PTPRB: variants seen among roughly 807,000 people sequenced by gnomAD.
PTPRB encodes receptor-type tyrosine-protein phosphatase beta.
A neutral mutation model predicts 238.1 loss-of-function variants in PTPRB; 97 were observed. That is an observed-to-expected ratio of 0.41 (90% CI 0.35 to 0.48). The LOEUF (loss-of-function observed/expected upper bound fraction) is 0.48. Ranked by LOEUF, PTPRB falls within the 20% of genes least tolerant of loss-of-function variation. The pLI is 0.30. For synonymous variants in PTPRB, 970 were observed against 995.4 expected, an observed-to-expected ratio of 0.97 and a Z score of 0.48; for missense variants, 2,292 against 2,681.9, an observed-to-expected ratio of 0.85 and a Z score of 3.21.
At chr12:70,601,174 G>C (rs757150981) in intron 4 of PTPRB, among the ~76,000 whole-genome samples, 2 of 151,734 alleles carry the variant, frequency 1.3e-5, no homozygotes, top group Non-Finnish European at 2.9e-5. Flanking sequence ...CCTAATTTTT[G>C]TATTATTTTG....
chr12:70,558,075 C>A (rs907314324), intron 18 of PTPRB, among the ~76,000 whole-genome samples: 3 of 152,146 alleles, frequency 2.0e-5, no homozygotes, highest in South Asian at 4.1e-4. Context: ...TGTCTCCTCT[C>A]TATGTAAGTA....
At chr12:70,546,997 G>A (rs1876068110) in intron 21 of PTPRB, among the ~76,000 whole-genome samples, 1 of 151,260 alleles carries the variant, frequency 6.6e-6, no homozygotes, top group Non-Finnish European at 1.5e-5. Flanking sequence ...TGAAAGTGAC[G>A]AGAAGTACTC....
rs761019588 is a variant in PTPRB at position 70,540,015 on chromosome 12, G to A, written c.5602C>T (p.Arg1868Ter). The change falls in exon 24 of 34, where the codon CGA (arginine) becomes TGA (stop). Residue 1868 changes from arginine to a stop codon, truncating the protein, a stop_gained. Coordinates refer to ENST00000334414, the MANE Select transcript of PTPRB (RefSeq NM_001109754.4). LOFTEE classifies it high-confidence loss of function. ...CTCAGACGGGCAGAGGGTCTTTCTC[G>A]ACCATGGCTGAAACATAAGGGAGAT... ...LICRQKVSHG[R>*]ERPSARLSIR... 1.2e-6 allele frequency: 2 copies of A among 1,605,262 alleles called. No individual in the cohort carries two copies. Among genetic ancestry groups the A allele is most frequent in the Non-Finnish European group, 1.7e-6 (2 of 1,172,254 alleles).
chr12:70,586,543 C>T (rs1881932417), intron 9 of PTPRB, among the ~76,000 whole-genome samples: 1 of 152,142 alleles, frequency 6.6e-6, no homozygotes, highest in Non-Finnish European at 1.5e-5. Context: ...TTCACTTGTG[C>T]TCTAGATCCC....
intron 7 of PTPRB, among the ~76,000 whole-genome samples, 193 bp from the exon 8 acceptor site, chr12:70,590,426 G>C (rs192541951): frequency 1.3e-5 from 2 of 152,152 alleles, no homozygotes; most frequent in South Asian, 4.2e-4. Flanking sequence ...AGAAATGTCC[G>C]CTAAAATCAT....
At position 70,540,963 on chromosome 12, in the gene PTPRB, A is replaced by G. The variant is rs779100107; in HGVS notation, c.5495-6T>C. ...AATAGCTCCAAACAAGGGCTCTACA[A>G]TAATCCAGATAGAAACAACAAACGC... On this transcript the variant is annotated splice_polypyrimidine_tract_variant and splice_region_variant and intron_variant, in intron 22 of 33. Transcript: ENST00000334414. 6.3e-7 allele frequency: 1 copy of G among 1,593,302 alleles called. No homozygotes were observed. Among genetic ancestry groups the G allele is most frequent in the Non-Finnish European group, 8.6e-7 (1 of 1,169,386 alleles).
chr12:70,615,128 C>G (rs935006547), intron 3 of PTPRB, among the ~76,000 whole-genome samples: 7 of 152,164 alleles, frequency 4.6e-5, no homozygotes, highest in Non-Finnish European at 1.0e-4. Flanking sequence ...AGTAATAATA[C>G]TATTCTATGA....
chr12:70,568,307 T>C, intron 14 of PTPRB, among the ~76,000 whole-genome samples: 1 of 151,846 alleles, frequency 6.6e-6, no homozygotes, highest in South Asian at 2.1e-4. Flanking sequence ...ATGCCCACTT[T>C]CTTTTTTTGG....
At position 70,559,385 on chromosome 12, in the gene PTPRB, A is replaced by T. The variant is rs760621371; in HGVS notation, c.4672T>A (p.Trp1558Arg). The change falls in exon 18 of 34, where the codon TGG becomes AGG. Residue 1558 changes from tryptophan (W) to arginine (R), a missense_variant. Trp to Arg is a moderately radical substitution (Grantham distance 101). This residue lies in a region of PTPRB where 683 missense variants were observed against 862.0 expected (regional missense o/e 0.79). Transcript: ENST00000334414. ...FNVKTVSGDS[W>R]KTYSKPIFGS... ...AAAATTGGTTTGCTGTAAGTTTTCCAGGAATCACCACTGACAGTCTTGACG... is the reference window on the plus strand; with the variant it reads ...AAAATTGGTTTGCTGTAAGTTTTCCTGGAATCACCACTGACAGTCTTGACG... 1.2e-5 allele frequency: 20 copies of T among 1,613,922 alleles called. No homozygotes were observed. The highest frequency in any genetic ancestry group is 1.6e-5 in the Non-Finnish European group (19 of 1,179,788).
At position 70,555,147 on chromosome 12, in the gene PTPRB, CATG is replaced by C; in HGVS notation, c.5143+10_5143+12del. On this transcript the variant is annotated intron_variant, in intron 20 of 33. Coordinates refer to ENST00000334414, the MANE Select transcript of PTPRB (RefSeq NM_001109754.4). ...TCTGTGTCTCAGAGTGGAGTTAACTCATGATAACTTACCATCAGCCTCTCTCAC... is the reference window on the plus strand; with the variant it reads ...TCTGTGTCTCAGAGTGGAGTTAACTCATAACTTACCATCAGCCTCTCTCAC... 6.2e-7 allele frequency: 1 copy of C among 1,612,344 alleles called. No individual in the cohort carries two copies. Among genetic ancestry groups the C allele is most frequent in the African/African-American group, 1.3e-5 (1 of 75,002 alleles).
Position 70,596,346 on chromosome 12 carries a change from C to T in PTPRB, c.980-19G>A, listed in dbSNP as rs1304122547. 7 of 1,249,026 alleles carry T rather than the reference C, an allele frequency of 5.6e-6. No homozygotes were observed. The highest frequency in any genetic ancestry group is 7.0e-6 in the Non-Finnish European group (7 of 995,816). The allele number at this position is 1,249,026 out of a possible 1,614,324, so 77.4% of individuals were successfully genotyped here. ...AAAGGATCTGCAAGGCAAATACACA[C>T]ACACACACAAAAAAAAAAAAGAAAG... On this transcript the variant is annotated intron_variant, in intron 4 of 33. Coordinates refer to ENST00000334414, the MANE Select transcript of PTPRB (RefSeq NM_001109754.4).
chr12:70,569,529 A>G, intron 14 of PTPRB, 146 bp downstream of exon 14: 1 of 928,762 alleles, frequency 1.1e-6, no homozygotes, highest in South Asian at 1.7e-5. Context: ...CAAAGAATAA[A>G]TGAGTAAGGC....
chr12:70,559,550 G>C lies in PTPRB; in HGVS notation c.4507C>G (p.Pro1503Ala). ...AAGTCGTTGTAGTCTGTCCAGTCTGGGGGCCCTTTCCACGTGATGGCCAAG... is the reference window on the plus strand; with the variant it reads ...AAGTCGTTGTAGTCTGTCCAGTCTGCGGGCCCTTTCCACGTGATGGCCAAG... ...TSLAITWKGP[P>A]DWTDYNDFEL... Residue 1503 changes from proline to alanine, a missense_variant, in exon 18 of 34, where the codon CCA becomes GCA. Coordinates refer to ENST00000334414, the MANE Select transcript of PTPRB (RefSeq NM_001109754.4). The C allele has an allele frequency of 1.9e-6, 3 of 1,613,872 alleles. No individual in the cohort carries two copies. Among genetic ancestry groups the C allele is most frequent in the Non-Finnish European group, 1.7e-6 (2 of 1,179,820 alleles).
intron 3 of PTPRB, among the ~76,000 whole-genome samples, chr12:70,611,664 C>T (rs184180690): frequency 1.5e-3 from 235 of 152,292 alleles, no homozygotes; most frequent in Non-Finnish European, 2.3e-3. Flanking sequence ...GAAGTTTCTT[C>T]CCCTCGAGAG....
In PTPRB at chr12:70,596,321, A is replaced by G. The variant is rs776202328; in HGVS notation, c.986T>C (p.Leu329Ser). 51 of 1,546,754 alleles carry G rather than the reference A, an allele frequency of 3.3e-5. No individual in the cohort carries two copies. In the South Asian group the frequency reaches 6.3e-4, roughly 19 times the overall value. The change falls in exon 5 of 34, where the codon TTA (leucine) becomes TCA (serine). Residue 329 changes from leucine to serine, a missense_variant. Leu to Ser is a moderately radical substitution (Grantham distance 145). Around this residue, in one of 4 missense-constraint regions of PTPRB, gnomAD observed 1,205 missense variants for 1,287.8 expected, o/e 0.94. Transcript: ENST00000334414. ...ERTVVLQTDP[L>S]PPARFGVSKE... is the part of the protein sequence containing the mutation. ...ACTGACTCCAAACCTAGCAGGAGGT[A>G]AAGGATCTGCAAGGCAAATACACAC... is the stretch of plus-strand genomic sequence containing the variant.
chr12:70,517,880 C>CAAT lies in PTPRB; in HGVS notation c.*3606_*3608dup, dbSNP rs1871311215. On this transcript the variant is annotated 3_prime_UTR_variant, in exon 34 of 34. Transcript: ENST00000334414. ...AGTGAATGAGAATTTAGTATATGGC[C>CAAT]AATAATATTATTGCAAAAGGTAAGG... The CAAT allele has an allele frequency of 6.6e-6, 1 of 151,934 alleles. No homozygotes were observed. The allele number at this position is 151,934 out of a possible 1,614,324, so 9.4% of individuals were successfully genotyped here.
chr12:70,541,959 C>T (rs2136261502), intron 22 of PTPRB: 1 of 152,124 alleles, frequency 6.6e-6, no homozygotes, highest in East Asian at 1.9e-4. Flanking sequence ...TTCATTTCTC[C>T]TGGGTATATA....
intron 22 of PTPRB, 156 bp from the exon 23 acceptor site, chr12:70,541,113 G>A: frequency 3.1e-6 from 2 of 639,448 alleles, no homozygotes; most frequent in South Asian, 4.0e-5. Flanking sequence ...CAAAGGCTCT[G>A]AGTATGCACC....
intron 16 of PTPRB, among the ~76,000 whole-genome samples, chr12:70,561,508 C>T (rs970563971): frequency 6.6e-6 from 1 of 152,148 alleles, no homozygotes; most frequent in African/African-American, 2.4e-5. Flanking sequence ...AGACTGTTGC[C>T]ACATTGGGAG....
Sources: allele counts gnomAD v4.1 joint callset (sites outside exome capture counted in the v4.1 genomes callset), GRCh38; gene constraint gnomAD v4.1.1; regional missense constraint gnomAD v4.1.1; transcripts MANE v1.5; gene names NCBI Gene and HGNC (gene_info 2026-07-23, HGNC 2026-07-21).